The following AGBL1 variants were observed in gnomAD, a reference collection of about 807,000 sequenced individuals.
AGBL1 encodes cytosolic carboxypeptidase 4.
AGBL1 carries 130 observed loss-of-function variants against 118.9 expected under a neutral mutation model. That is an observed-to-expected ratio of 1.09 (90% CI 0.95 to 1.26). AGBL1 has a LOEUF of 1.26. AGBL1 is among the 50% of genes most tolerant of loss of function. The pLI is 0.00. For synonymous variants in AGBL1, 555 were observed against 478.9 expected (o/e 1.16, Z -2.08); for missense variants, 1,584 against 1,298.1 (o/e 1.22, Z -3.38).
chr15:86,156,574 A>T (rs1427607269), intron 4 of AGBL1, among the ~76,000 whole-genome samples: 12 of 152,148 alleles, frequency 7.9e-5, no homozygotes, highest in Non-Finnish European at 1.5e-5. Flanking sequence ...GACTTGGTAG[A>T]TGGGGTGAAT....
At chr15:86,556,167 G>A in intron 21 of AGBL1, 2 of 1,460,332 alleles carry the variant, frequency 1.4e-6, no homozygotes, top group Non-Finnish European at 9.5e-7. Flanking sequence ...CTCTGGAGCT[G>A]TTTGAAAATG....
intron 1 of AGBL1, among the ~76,000 whole-genome samples, chr15:86,097,847 G>C (rs937199921): frequency 5.9e-5 from 9 of 152,102 alleles, no homozygotes; most frequent in African/African-American, 7.2e-5. Context: ...TGGTAGAATT[G>C]CTGGATCATA....
rs140079677 is a variant in AGBL1, at chr15:86,335,695, G to T, written c.2374+40287G>T. On this transcript the variant is annotated intron_variant, in intron 17 of 22. Coordinates refer to ENST00000614907, the MANE Select transcript of AGBL1 (RefSeq NM_001386094.1). ...TTGATTATTGTTTTCTAAAACTCAA[G>T]AGTAAAATAAGGTGTTGTTATAAGA... is the stretch of plus-strand genomic sequence containing the variant. Among the ~76,000 whole-genome samples, 385 of 152,256 alleles carry T rather than the reference G, an allele frequency of 2.5e-3. 2 individuals carry two copies. The highest frequency in any genetic ancestry group is 6.9e-3 in the African/African-American group (287 of 41,554).
At chr15:87,020,370 A>G (rs2081652558) in intron 24 of AGBL1, among the ~76,000 whole-genome samples, 1 of 152,052 alleles carries the variant, frequency 6.6e-6, no homozygotes, top group Non-Finnish European at 1.5e-5. Flanking sequence ...TAAAAGCCAT[A>G]TATAACCAAC....
chr15:86,927,044 C>T (rs931550855), intron 23 of AGBL1, among the ~76,000 whole-genome samples: 2 of 151,988 alleles, frequency 1.3e-5, no homozygotes, highest in Non-Finnish European at 2.9e-5. Flanking sequence ...GAGGCTGAGG[C>T]AGGAGAATCG....
chr15:86,651,318 C>T (rs1343732003), intron 21 of AGBL1, among the ~76,000 whole-genome samples: 4 of 152,094 alleles, frequency 2.6e-5, no homozygotes, highest in Non-Finnish European at 5.9e-5. Flanking sequence ...GACAATCTAA[C>T]TAGTTATAAT....
chr15:86,922,017 G>T (rs16978080), intron 23 of AGBL1, among the ~76,000 whole-genome samples: 2 of 152,074 alleles, frequency 1.3e-5, no homozygotes, highest in Admixed American at 6.5e-5. Flanking sequence ...TGGTTACTCT[G>T]TATGGACTTA....
chr15:86,451,631 A>T (rs1334009157), intron 18 of AGBL1, among the ~76,000 whole-genome samples: 2 of 152,172 alleles, frequency 1.3e-5, no homozygotes, highest in African/African-American at 4.8e-5. Context: ...GCTGCTACCT[A>T]CCAAAAGGAG....
intron 18 of AGBL1, among the ~76,000 whole-genome samples, chr15:86,405,023 GGT>G (rs1476384838): frequency 6.6e-6 from 1 of 152,210 alleles, no homozygotes; most frequent in Non-Finnish European, 1.5e-5. Flanking sequence ...GGTCCCCGTA[GGT>G]CATAGAGGAA....
chr15:86,087,790 G>A (rs1215002451), intron 1 of AGBL1, among the ~76,000 whole-genome samples: 1 of 152,202 alleles, frequency 6.6e-6, no homozygotes, highest in African/African-American at 2.4e-5. Context: ...CAGCAGAAGT[G>A]CCCTCACCAG....
intron 22 of AGBL1, among the ~76,000 whole-genome samples, chr15:86,810,499 T>C (rs907699600): frequency 6.6e-6 from 1 of 152,116 alleles, no homozygotes; most frequent in African/African-American, 2.4e-5. Context: ...AAAGGCCCCA[T>C]TACTGAGAAT....
intron 21 of AGBL1, among the ~76,000 whole-genome samples, chr15:86,656,470 G>C (rs930635545): frequency 6.6e-6 from 1 of 152,144 alleles, no homozygotes; most frequent in African/African-American, 2.4e-5. Context: ...GTAACTTGCT[G>C]CTTGTTGAGG....
intron 16 of AGBL1, among the ~76,000 whole-genome samples, chr15:86,291,822 A>G (rs1237454335): frequency 6.6e-6 from 1 of 152,106 alleles, no homozygotes; most frequent in Admixed American, 6.5e-5. Flanking sequence ...CTCCCTCCCA[A>G]TCTCCAATGC....
intron 19 of AGBL1, among the ~76,000 whole-genome samples, chr15:86,545,174 G>A (rs965923231): frequency 2.0e-5 from 3 of 152,156 alleles, no homozygotes; most frequent in African/African-American, 7.2e-5. Context: ...TCAAATTAGG[G>A]CTTCTTTAGC....
intron 22 of AGBL1, among the ~76,000 whole-genome samples, chr15:86,724,254 AG>A (rs1427654842): frequency 1.3e-5 from 2 of 150,904 alleles, no homozygotes; most frequent in African/African-American, 4.9e-5. Flanking sequence ...AAAAAAAAAA[AG>A]AAGGTGTTGA....
chr15:86,127,292 A>G (rs1399543489), intron 1 of AGBL1, among the ~76,000 whole-genome samples: 1 of 152,202 alleles, frequency 6.6e-6, no homozygotes, highest in African/African-American at 2.4e-5. Context: ...TTTCATATAT[A>G]ACATTGTGTT....
At chr15:86,447,097 A>G (rs551692486) in intron 18 of AGBL1, among the ~76,000 whole-genome samples, 4 of 152,322 alleles carry the variant, frequency 2.6e-5, no homozygotes, top group East Asian at 1.9e-4. Context: ...CTGATGATCA[A>G]TGTAGTGAAG....
Position 86,948,966 on chromosome 15 carries a change from G to A in AGBL1, c.3222-39021G>A, listed in dbSNP as rs979024820. ...TGATGTAACATCTCTAACTGCTCTC[G>A]TGCTACAACAGTGGAACTGAATAGT... is the stretch of plus-strand genomic sequence containing the variant. On this transcript the variant is annotated intron_variant, in intron 23 of 24. Coordinates refer to the AGBL1 transcript ENST00000441037. 4.6e-5 allele frequency among the ~76,000 whole-genome samples: 7 copies of A among 152,102 alleles called. No homozygotes were observed. In the East Asian group the frequency reaches 5.8e-4, roughly 13 times the overall value.
At chr15:86,383,247 T>TAAAAA (rs4035838) in intron 17 of AGBL1, among the ~76,000 whole-genome samples, 25 of 54,474 alleles carry the variant, frequency 4.6e-4, no homozygotes, top group East Asian at 1.2e-3. Context: ...ATTCAGTATG[T>TAAAAA]AAAAAAAAAA....
Sources: gnomAD v4.1 joint callset for allele counts (sites outside exome capture counted in the v4.1 genomes callset) on GRCh38, gnomAD v4.1.1 for gene constraint, MANE v1.5 for transcripts, NCBI Gene and HGNC (gene_info 2026-07-23, HGNC 2026-07-21) for gene names.